The following ABHD17C variants were observed in gnomAD, a reference collection of about 807,000 sequenced individuals.
The protein encoded by ABHD17C is alpha/beta hydrolase domain-containing protein 17C.
In ABHD17C, 11 loss-of-function variants were observed where a neutral mutation model predicts 27.9. The ratio of observed to expected loss-of-function variants is 0.39; its 90% CI spans 0.25 to 0.65. The LOEUF is 0.65. ABHD17C is among the 30% of genes least tolerant of loss of function. The pLI is 0.45. For synonymous variants in ABHD17C, 233 were observed against 209.1 expected, an observed-to-expected ratio of 1.11 and a Z score of -0.98; for missense variants, 280 against 470.2, an observed-to-expected ratio of 0.60 and a Z score of 3.74.
At chr15:80,703,302 T>G (rs1894600297) in intron 1 of ABHD17C, 1 of 152,232 alleles carries the variant, frequency 6.6e-6, no homozygotes, top group Admixed American at 6.5e-5. Context: ...CTTAATCCAG[T>G]TACCATGGCA....
chr15:80,707,797 TCAAAGTA>T (rs1894668902), intron 1 of ABHD17C, among the ~76,000 whole-genome samples: 1 of 152,124 alleles, frequency 6.6e-6, no homozygotes, highest in Non-Finnish European at 1.5e-5. Context: ...GCTCGGCGTG[TCAAAGTA>T]CTGTATTTGG....
intron 1 of ABHD17C, among the ~76,000 whole-genome samples, chr15:80,747,597 A>G (rs1004338142): frequency 3.3e-5 from 5 of 152,110 alleles, no homozygotes; most frequent in Admixed American, 3.3e-4. Context: ...TTGTTTCCTC[A>G]AACCTCCCCA....
intron 1 of ABHD17C, among the ~76,000 whole-genome samples, chr15:80,748,619 C>G (rs535124620): frequency 1.3e-5 from 2 of 151,224 alleles, no homozygotes; most frequent in Non-Finnish European, 1.5e-5. Flanking sequence ...TTTAGATATT[C>G]TGGACATCCT....
At chr15:80,698,305 C>G (rs137979703) in intron 1 of ABHD17C, among the ~76,000 whole-genome samples, 1 of 152,168 alleles carries the variant, frequency 6.6e-6, no homozygotes, top group Non-Finnish European at 1.5e-5. Flanking sequence ...ACCTCATAAT[C>G]CGCCCACCTG....
chr15:80,742,960 G>A (rs1022259067), intron 1 of ABHD17C, among the ~76,000 whole-genome samples: 1 of 136,328 alleles, frequency 7.3e-6, no homozygotes, highest in Non-Finnish European at 1.5e-5. Context: ...CTTCATAGGG[G>A]CAGAAGGCAG....
chr15:80,740,771 C>A (rs759292670), intron 1 of ABHD17C, among the ~76,000 whole-genome samples: 1 of 152,194 alleles, frequency 6.6e-6, no homozygotes, highest in Non-Finnish European at 1.5e-5. Flanking sequence ...ACCCAAGGGC[C>A]AGCTGTACAG....
At position 80,749,601 on chromosome 15, in the gene ABHD17C, G is replaced by A; in HGVS notation, c.679G>A (p.Ala227Thr). The change falls in exon 2 of 3, where the codon GCA becomes ACA. Residue 227 changes from alanine (A) to threonine (T), a missense_variant. Coordinates refer to ENST00000258884, the MANE Select transcript of ABHD17C (RefSeq NM_021214.2). Reference sequence around the variant, plus strand: ...AGACTTGGCCTCGAGGTATGAATGCGCAGCGGTAATTCTCCATTCCCCTCT... The same window carrying A: ...AGACTTGGCCTCGAGGTATGAATGCACAGCGGTAATTCTCCATTCCCCTCT... The part of the protein sequence containing the change: ...TVDLASRYEC[A>T]AVILHSPLMS... 2 of 1,613,920 alleles carry A rather than the reference G, an allele frequency of 1.2e-6. No individual in the cohort carries two copies. Among genetic ancestry groups the A allele is most frequent in the Non-Finnish European group, 1.7e-6 (2 of 1,179,846 alleles).
At chr15:80,749,818 C>T (rs1253552717) in intron 2 of ABHD17C, 126 bp downstream of exon 2, 2 of 1,177,068 alleles carry the variant, frequency 1.7e-6, no homozygotes, top group East Asian at 5.1e-5. Context: ...TGCTGGGTGC[C>T]ACAGGGCATG....
Position 80,754,251 on chromosome 15 carries a change from T to G in ABHD17C, c.871T>G (p.Cys291Gly). Residue 291 changes from cysteine to glycine, a missense_variant, in exon 3 of 3, where the codon TGT (cysteine) becomes GGT (glycine). Transcript: ENST00000258884. ...CCATGGCCTAGCGATGTACGAGCGC[T>G]GTCCCCGAGCCGTGGAGCCCCTTTG... ...FSHGLAMYERCPRAVEPLWVE... is the reference protein window; with the variant it reads ...FSHGLAMYERGPRAVEPLWVE... 1 of 1,613,978 alleles carries G rather than the reference T, an allele frequency of 6.2e-7. No homozygotes were observed. Among genetic ancestry groups the G allele is most frequent in the Non-Finnish European group, 8.5e-7 (1 of 1,179,888 alleles).
At chr15:80,747,685 C>T (rs1240522030) in intron 1 of ABHD17C, among the ~76,000 whole-genome samples, 1 of 152,190 alleles carries the variant, frequency 6.6e-6, no homozygotes, top group African/African-American at 2.4e-5. Context: ...GAACGCCAGG[C>T]AAAACCTGCA....
At chr15:80,734,908 G>A (rs1317749585) in intron 1 of ABHD17C, among the ~76,000 whole-genome samples, 1 of 152,204 alleles carries the variant, frequency 6.6e-6, no homozygotes, top group Non-Finnish European at 1.5e-5. Context: ...TTGATTAGCA[G>A]GTATTTCACC....
chr15:80,708,650 C>G (rs973754146), intron 1 of ABHD17C, among the ~76,000 whole-genome samples: 3 of 152,180 alleles, frequency 2.0e-5, no homozygotes, highest in African/African-American at 7.2e-5. Context: ...GTACAGGGGG[C>G]AGGCTTAACT....
At chr15:80,714,991 C>G (rs997102087) in intron 1 of ABHD17C, among the ~76,000 whole-genome samples, 2 of 152,184 alleles carry the variant, frequency 1.3e-5, no homozygotes. Flanking sequence ...CAGCGTTAGC[C>G]AGGATGGTCT....
chr15:80,721,002 A>G (rs146949219), intron 1 of ABHD17C, among the ~76,000 whole-genome samples: 3,613 of 151,834 alleles, frequency 0.024, 82 homozygotes, highest in Middle Eastern at 0.041. Flanking sequence ...CTTTGGTCTC[A>G]GAGATTTTCT....
chr15:80,735,610 C>T (rs1337080410), intron 1 of ABHD17C, among the ~76,000 whole-genome samples: 1 of 152,134 alleles, frequency 6.6e-6, no homozygotes, highest in Non-Finnish European at 1.5e-5. Context: ...CCAGGGCGGG[C>T]TCCAGTGCCG....
At chr15:80,696,220 G>C (rs2141485968) in intron 1 of ABHD17C, among the ~76,000 whole-genome samples, 1 of 152,356 alleles carries the variant, frequency 6.6e-6, no homozygotes, top group East Asian at 1.9e-4. Context: ...AACCGCGCCA[G>C]CCTTCAGGTT....
At chr15:80,738,355 C>A (rs559166075) in intron 1 of ABHD17C, among the ~76,000 whole-genome samples, 95 of 152,236 alleles carry the variant, frequency 6.2e-4, no homozygotes, top group African/African-American at 2.3e-3. Context: ...GTGGGGCAGT[C>A]TGAGCACCAT....
At chr15:80,726,004 A>AC (rs1894969149) in intron 1 of ABHD17C, among the ~76,000 whole-genome samples, 2 of 152,220 alleles carry the variant, frequency 1.3e-5, no homozygotes, top group Admixed American at 1.3e-4. Flanking sequence ...ACAGAGATTT[A>AC]CCCACATATT....
At chr15:80,702,328 G>C (rs973172589) in intron 1 of ABHD17C, among the ~76,000 whole-genome samples, 3 of 152,220 alleles carry the variant, frequency 2.0e-5, no homozygotes, top group African/African-American at 7.2e-5. Flanking sequence ...GTGAGACCTT[G>C]TCTCTACAAA....
Sources: gnomAD v4.1 joint callset for allele counts (sites outside exome capture counted in the v4.1 genomes callset) on GRCh38, gnomAD v4.1.1 for gene constraint, MANE v1.5 for transcripts, NCBI Gene and HGNC (gene_info 2026-07-23, HGNC 2026-07-21) for gene names.